ZDHHC14: variants seen among roughly 807,000 people sequenced by gnomAD.
ZDHHC14 encodes zDHHC palmitoyltransferase 14, also known as palmitoyltransferase ZDHHC14.
In ZDHHC14, 16 loss-of-function variants were observed where a neutral mutation model predicts 47.7. The ratio of observed to expected loss-of-function variants is 0.34; its 90% CI spans 0.23 to 0.51. The LOEUF is 0.51. ZDHHC14 is among the 20% of genes least tolerant of loss of function. The probability of loss-of-function intolerance (pLI) is 0.97; values close to 1 mark genes in which losing one functional copy is unlikely to be tolerated. For synonymous variants in ZDHHC14, 293 were observed against 278.9 expected, an observed-to-expected ratio of 1.05 and a Z score of -0.50; for missense variants, 515 against 662.5, an observed-to-expected ratio of 0.78 and a Z score of 2.44.
chr6:157,500,680 C>T (rs150221539), intron 1 of ZDHHC14, among the ~76,000 whole-genome samples: 135 of 152,284 alleles, frequency 8.9e-4, no homozygotes, highest in African/African-American at 3.1e-3. Flanking sequence ...TGGACCACAA[C>T]CATGAACCCC....
chr6:157,414,249 G>C (rs914525720), intron 1 of ZDHHC14, among the ~76,000 whole-genome samples: 6 of 152,088 alleles, frequency 3.9e-5, no homozygotes, highest in Admixed American at 2.0e-4. Context: ...TCTTGTTCTG[G>C]CTCTGCCGCT....
At chr6:157,403,352 G>A (rs187771445) in intron 1 of ZDHHC14, among the ~76,000 whole-genome samples, 2 of 152,302 alleles carry the variant, frequency 1.3e-5, no homozygotes, top group East Asian at 3.9e-4. Context: ...GAAATTTGTG[G>A]TCATTTAGTT....
intron 2 of ZDHHC14, among the ~76,000 whole-genome samples, chr6:157,574,827 T>C (rs996441384): frequency 1.3e-5 from 2 of 152,220 alleles, no homozygotes; most frequent in African/African-American, 4.8e-5. Flanking sequence ...CCCTAGCCGA[T>C]TTGTCTTTGA....
At chr6:157,548,730 G>A (rs899909592) in intron 2 of ZDHHC14, among the ~76,000 whole-genome samples, 12 of 152,124 alleles carry the variant, frequency 7.9e-5, no homozygotes, top group Admixed American at 6.5e-4. Context: ...ACAGGCTTGA[G>A]CCACTGCAGC....
chr6:157,435,403 T>C (rs1335892034), intron 1 of ZDHHC14, among the ~76,000 whole-genome samples: 1 of 152,206 alleles, frequency 6.6e-6, no homozygotes, highest in African/African-American at 2.4e-5. Flanking sequence ...GTGATATCGA[T>C]GACATTGGGA....
At chr6:157,665,780 TG>T (rs1461965176) in intron 8 of ZDHHC14, among the ~76,000 whole-genome samples, 1 of 152,122 alleles carries the variant, frequency 6.6e-6, no homozygotes, top group Non-Finnish European at 1.5e-5. Flanking sequence ...AAGTGGGGGA[TG>T]GGGGTGGTTA....
At chr6:157,513,958 G>A (rs1249661023) in intron 1 of ZDHHC14, among the ~76,000 whole-genome samples, 1 of 152,070 alleles carries the variant, frequency 6.6e-6, no homozygotes, top group Admixed American at 6.5e-5. Flanking sequence ...CCCCTTGTCA[G>A]TGGCCTTCAG....
intron 2 of ZDHHC14, among the ~76,000 whole-genome samples, chr6:157,550,507 G>A (rs1228533495): frequency 7.4e-6 from 1 of 135,774 alleles, no homozygotes. Context: ...ACTCTAGAGA[G>A]ACCACAGCGT....
chr6:157,382,143 A>G lies in ZDHHC14; in HGVS notation c.122A>G (p.Glu41Gly), dbSNP rs767228623. Residue 41 changes from glutamate (E) to glycine (G), a missense_variant, in exon 1 of 9, where the codon GAG becomes GGG. Physicochemically the swap from Glu to Gly is moderately conservative, Grantham distance 98. This residue lies in a region of ZDHHC14 where 59 missense variants were observed against 57.7 expected (regional missense o/e 1.02). Transcript: ENST00000359775. ...KKKIAARRKW[E>G]VFPGRNKFFC... ...AAAATCGCGGCCCGGAGGAAATGGG[A>G]GGTGTTCCCGGGAAGAAACAAGTTC... 1 of 1,613,320 alleles carries G rather than the reference A, an allele frequency of 6.2e-7. No homozygotes were observed. Among genetic ancestry groups the G allele is most frequent in the Non-Finnish European group, 8.5e-7 (1 of 1,179,708 alleles).
intron 2 of ZDHHC14, among the ~76,000 whole-genome samples, chr6:157,561,233 ATGCCT>A (rs71685839): frequency 0.17 from 25,752 of 152,014 alleles, 2,536 homozygotes; most frequent in African/African-American, 0.28. Flanking sequence ...TGGAAGAAGC[ATGCCT>A]TGCTGGGGTC....
intron 1 of ZDHHC14, among the ~76,000 whole-genome samples, chr6:157,414,821 CTTTTTTTTTT>C (rs71027333): frequency 2.9e-4 from 33 of 111,980 alleles, no homozygotes; most frequent in African/African-American, 1.1e-3. Context: ...AGGTTTGCAG[CTTTTTTTTTT>C]TTTTTTTTTT....
At chr6:157,540,910 G>GTATATATATATATATATATA (rs1554264587) in intron 1 of ZDHHC14, among the ~76,000 whole-genome samples, 34 of 122,970 alleles carry the variant, frequency 2.8e-4, no homozygotes, top group African/African-American at 1.5e-3. Context: ...GTGTGTGTGT[G>GTATATATATATATATATATA]TATATATATA....
At chr6:157,572,021 G>T (rs1272337770) in intron 2 of ZDHHC14, among the ~76,000 whole-genome samples, 1 of 152,056 alleles carries the variant, frequency 6.6e-6, no homozygotes, top group Non-Finnish European at 1.5e-5. Context: ...GCTCAGCAGG[G>T]TCGGGGCTGG....
At chr6:157,431,462 G>A (rs1455132645) in intron 1 of ZDHHC14, among the ~76,000 whole-genome samples, 1 of 152,212 alleles carries the variant, frequency 6.6e-6, no homozygotes, top group Non-Finnish European at 1.5e-5. Context: ...GGAACGCACT[G>A]TGTTGGGAAA....
chr6:157,529,818 A>G (rs565389946), intron 1 of ZDHHC14, among the ~76,000 whole-genome samples: 129 of 152,314 alleles, frequency 8.5e-4, no homozygotes, highest in Non-Finnish European at 1.6e-3. Flanking sequence ...CAATTGAGAG[A>G]CCATGCCTTG....
intron 1 of ZDHHC14, among the ~76,000 whole-genome samples, chr6:157,401,876 G>A (rs1020349245): frequency 1.3e-5 from 2 of 151,636 alleles, no homozygotes. Context: ...ACCTGCTGAG[G>A]TCTCAGCTGC....
intron 1 of ZDHHC14, among the ~76,000 whole-genome samples, chr6:157,494,550 T>C (rs1165567547): frequency 6.6e-6 from 1 of 152,224 alleles, no homozygotes; most frequent in Non-Finnish European, 1.5e-5. Flanking sequence ...CTGGAAGCTC[T>C]TTCCAAATTA....
At chr6:157,488,957 G>A (rs1168435173) in intron 1 of ZDHHC14, among the ~76,000 whole-genome samples, 1 of 152,220 alleles carries the variant, frequency 6.6e-6, no homozygotes, top group Non-Finnish European at 1.5e-5. Flanking sequence ...TATTTCGTGA[G>A]CACAAGGAAG....
intron 8 of ZDHHC14, among the ~76,000 whole-genome samples, chr6:157,656,948 C>A (rs1336147104): frequency 6.6e-6 from 1 of 152,154 alleles, no homozygotes; most frequent in Non-Finnish European, 1.5e-5. Flanking sequence ...GCCCTGGTCA[C>A]CTGCCCAGGG....
Sources: gnomAD v4.1 joint callset for allele counts (sites outside exome capture counted in the v4.1 genomes callset) on GRCh38, gnomAD v4.1.1 for gene constraint, gnomAD v4.1.1 regional missense constraint, MANE v1.5 for transcripts, NCBI Gene and HGNC (gene_info 2026-07-23, HGNC 2026-07-21) for gene names.